C12orf42: variants seen among roughly 807,000 people sequenced by gnomAD.
C12orf42 encodes chromosome 12 open reading frame 42.
C12orf42 carries 25 observed loss-of-function variants against 21.6 expected under a neutral mutation model. That is an observed-to-expected ratio of 1.16 (90% CI 0.84 to 1.62). The LOEUF is 1.62. Ranked by LOEUF, C12orf42 falls within the 40% of genes most tolerant of loss-of-function variation. The probability of loss-of-function intolerance (pLI) is 0.00; values close to 1 mark genes in which losing one functional copy is unlikely to be tolerated. For synonymous variants in C12orf42, 174 were observed against 175.0 expected, an observed-to-expected ratio of 0.99 and a Z score of 0.05; for missense variants, 483 against 459.3, an observed-to-expected ratio of 1.05 and a Z score of -0.47.
the C12orf42 span, among the ~76,000 whole-genome samples, chr12:103,188,589 G>A: frequency 6.6e-6 from 1 of 152,178 alleles, no homozygotes; most frequent in Admixed American, 6.5e-5. Flanking sequence ...GGCCATGGGG[G>A]TGGATCCCTT....
At chr12:103,556,913 T>G in the C12orf42 span, among the ~76,000 whole-genome samples, 6 of 148,100 alleles carry the variant, frequency 4.1e-5, no homozygotes, top group South Asian at 1.3e-3. Context: ...TAAAGATGGA[T>G]GCAGAGATTG....
chr12:103,273,632 A>G (rs2035591230), intron 5 of C12orf42, among the ~76,000 whole-genome samples: 3 of 152,152 alleles, frequency 2.0e-5, no homozygotes, highest in African/African-American at 7.2e-5. Context: ...TTACTAATAT[A>G]CAGGATGTTT....
At chr12:103,522,048 T>C in the C12orf42 span, among the ~76,000 whole-genome samples, 2 of 152,178 alleles carry the variant, frequency 1.3e-5, no homozygotes, top group Non-Finnish European at 2.9e-5. Context: ...GCTGGTGATA[T>C]GGTTTGGCTG....
intron 1 of C12orf42, among the ~76,000 whole-genome samples, chr12:103,490,877 T>C (rs1191709732): frequency 6.6e-6 from 1 of 152,108 alleles, no homozygotes; most frequent in African/African-American, 2.4e-5. Context: ...ATTCCTAGAA[T>C]TCCTAATATT....
At chr12:103,368,079 T>C in intron 4 of C12orf42, 1 of 1,284,672 alleles carries the variant, frequency 7.8e-7, no homozygotes, top group Middle Eastern at 2.1e-4. Flanking sequence ...CACATTTAAA[T>C]ATATCCTTTC....
chr12:103,283,918 A>T, intron 4 of C12orf42, among the ~76,000 whole-genome samples: 1 of 152,228 alleles, frequency 6.6e-6, no homozygotes, highest in East Asian at 1.9e-4. Context: ...TTTCCGGGCA[A>T]ATGCAATACA....
chr12:103,218,453 T>A, the C12orf42 span, among the ~76,000 whole-genome samples: 1 of 152,160 alleles, frequency 6.6e-6, no homozygotes, highest in Non-Finnish European at 1.5e-5. Context: ...CCCTGTACAC[T>A]CTTTGACCTC....
the C12orf42 span, among the ~76,000 whole-genome samples, chr12:103,146,588 G>GAAAGAAAGAAAGAAAGAAAGAA: frequency 1.6e-4 from 23 of 148,350 alleles, no homozygotes; most frequent in African/African-American, 5.8e-4. Context: ...AAGAAAGAAA[G>GAAAGAAAGAAAGAAAGAAAGAA]AAAGAAAGAA....
chr12:103,540,757 C>T, the C12orf42 span, among the ~76,000 whole-genome samples: 8 of 152,144 alleles, frequency 5.3e-5, no homozygotes, highest in Admixed American at 3.3e-4. Context: ...TCAACTGGAA[C>T]ATTTACCACT....
chr12:103,515,004 A>G, the C12orf42 span, among the ~76,000 whole-genome samples: 2 of 152,132 alleles, frequency 1.3e-5, no homozygotes, highest in Non-Finnish European at 2.9e-5. Flanking sequence ...AAGTGGGGAG[A>G]GTAACACTGG....
At chr12:103,409,868 A>T (rs1489259452) in intron 2 of C12orf42, among the ~76,000 whole-genome samples, 2 of 152,204 alleles carry the variant, frequency 1.3e-5, no homozygotes, top group African/African-American at 4.8e-5. Context: ...TATTGAGCAC[A>T]ATACACTAAG....
intron 2 of C12orf42, among the ~76,000 whole-genome samples, chr12:103,428,640 C>A (rs531853172): frequency 6.6e-6 from 1 of 152,272 alleles, no homozygotes; most frequent in East Asian, 1.9e-4. Context: ...CATCCTGATA[C>A]CAAAACCTGG....
At chr12:103,232,610 C>G (rs756891027), downstream of C12orf42, among the ~76,000 whole-genome samples, 2 of 150,468 alleles carry the variant, frequency 1.3e-5, no homozygotes, top group Non-Finnish European at 2.9e-5. Context: ...ACTCAGGAGG[C>G]TGAGGCAGGA....
chr12:103,159,426 T>C, the C12orf42 span: 45,769 of 152,052 alleles, frequency 0.3, 7,340 homozygotes, highest in East Asian at 0.4. Flanking sequence ...TCTGAGGCTA[T>C]GATGGTAAGT....
At chr12:103,424,828 C>T (rs1422287406) in intron 2 of C12orf42, among the ~76,000 whole-genome samples, 3 of 152,112 alleles carry the variant, frequency 2.0e-5, no homozygotes, top group South Asian at 2.1e-4. Context: ...GGAACACCAG[C>T]GAGACAGAAC....
chr12:103,324,061 TA>T (rs2040440298), intron 4 of C12orf42, among the ~76,000 whole-genome samples: 1 of 152,232 alleles, frequency 6.6e-6, no homozygotes, highest in South Asian at 2.1e-4. Flanking sequence ...AAATTTTCTT[TA>T]AAATGTGTAA....
chr12:103,478,946 T>C (rs928395668), intron 1 of C12orf42, among the ~76,000 whole-genome samples: 1 of 152,204 alleles, frequency 6.6e-6, no homozygotes, highest in Non-Finnish European at 1.5e-5. Flanking sequence ...AACAATTGTA[T>C]CACCTAGTAA....
intron 2 of C12orf42, among the ~76,000 whole-genome samples, chr12:103,435,005 G>C (rs554016246): frequency 6.6e-6 from 1 of 152,276 alleles, no homozygotes; most frequent in African/African-American, 2.4e-5. Flanking sequence ...GTCCCTGTCT[G>C]ACAGCTTTGA....
At chr12:103,079,923 T>C in the C12orf42 span, among the ~76,000 whole-genome samples, 4 of 152,228 alleles carry the variant, frequency 2.6e-5, no homozygotes, top group South Asian at 6.2e-4. Flanking sequence ...TGTACTTCTA[T>C]GAAGAAGCAA....
Sources: gnomAD v4.1 joint callset for allele counts (sites outside exome capture counted in the v4.1 genomes callset) on GRCh38, gnomAD v4.1.1 for gene constraint, MANE v1.5 for transcripts, NCBI Gene and HGNC (gene_info 2026-07-23, HGNC 2026-07-21) for gene names.